The following CACNA2D1 variants were observed in gnomAD, a reference collection of about 807,000 sequenced individuals.
The protein encoded by CACNA2D1 is voltage-dependent calcium channel subunit alpha-2/delta-1.
Under a neutral mutation model 171.5 loss-of-function variants are expected in CACNA2D1, and 53 were observed. The observed-to-expected ratio is 0.31, with a 90% CI of 0.25 to 0.39. CACNA2D1 has a LOEUF of 0.39. CACNA2D1 is among the 10% of genes least tolerant of loss of function. The probability of loss-of-function intolerance (pLI) is 1.00; values close to 1 mark genes in which losing one functional copy is unlikely to be tolerated. For missense variants in CACNA2D1, 903 were observed against 1,299.8 expected (o/e 0.69, Z 4.69); for synonymous variants, 442 against 443.1 (o/e 1.00, Z 0.03).
chr7:81,959,683 G>T (rs760482639), intron 37 of CACNA2D1, 37 bp downstream of exon 37: 2 of 1,589,654 alleles, frequency 1.3e-6, no homozygotes, highest in East Asian at 4.5e-5. Context: ...CATTAAGATG[G>T]TTTTCCTTTC....
chr7:82,026,257 G>C (rs1801893165), intron 12 of CACNA2D1, among the ~76,000 whole-genome samples: 1 of 151,322 alleles, frequency 6.6e-6, no homozygotes, highest in Admixed American at 6.6e-5. Flanking sequence ...TCTTTTGACT[G>C]GGGAGTTTAA....
At chr7:81,968,367 A>AT (rs1471600554) in intron 29 of CACNA2D1, among the ~76,000 whole-genome samples, 1 of 151,192 alleles carries the variant, frequency 6.6e-6, no homozygotes, top group East Asian at 1.9e-4. Context: ...TTACTTGCCT[A>AT]TTTTTCCAAA....
At chr7:82,092,293 T>C (rs1166901022) in intron 6 of CACNA2D1, among the ~76,000 whole-genome samples, 3 of 152,224 alleles carry the variant, frequency 2.0e-5, no homozygotes, top group Non-Finnish European at 2.9e-5. Context: ...AGGAACATTA[T>C]GTAATTTGTA....
intron 3 of CACNA2D1, among the ~76,000 whole-genome samples, chr7:82,197,570 C>T (rs1439577751): frequency 1.3e-5 from 2 of 151,988 alleles, no homozygotes; most frequent in East Asian, 1.9e-4. Context: ...ACTTTTAATG[C>T]AGTGTGATGT....
chr7:82,289,033 A>T (rs1283404980), intron 3 of CACNA2D1, among the ~76,000 whole-genome samples: 1 of 152,222 alleles, frequency 6.6e-6, no homozygotes, highest in East Asian at 1.9e-4. Flanking sequence ...ATGACCACAT[A>T]GTGCAAATAT....
intron 3 of CACNA2D1, among the ~76,000 whole-genome samples, chr7:82,328,091 T>A (rs920495556): frequency 2.0e-5 from 3 of 152,146 alleles, no homozygotes; most frequent in African/African-American, 7.2e-5. Context: ...TGGGTAAACA[T>A]GTCGAGCCTT....
At chr7:82,232,709 C>CA (rs1803085713) in intron 3 of CACNA2D1, among the ~76,000 whole-genome samples, 1 of 151,366 alleles carries the variant, frequency 6.6e-6, no homozygotes, top group Non-Finnish European at 1.5e-5. Flanking sequence ...ACTAAAAATA[C>CA]AAAAATTAGC....
intron 3 of CACNA2D1, among the ~76,000 whole-genome samples, chr7:82,290,996 G>A (rs1332505363): frequency 1.4e-5 from 2 of 141,684 alleles, no homozygotes; most frequent in African/African-American, 5.3e-5. Flanking sequence ...TTTCCTTTGA[G>A]ACAGGGTCTG....
chr7:82,000,616 T>C (rs1798488575), intron 18 of CACNA2D1, among the ~76,000 whole-genome samples: 1 of 151,902 alleles, frequency 6.6e-6, no homozygotes, highest in African/African-American at 2.4e-5. Context: ...ATTTTGTTTT[T>C]GAGACGGGGT....
chr7:82,012,633 T>C (rs923007440), intron 14 of CACNA2D1, among the ~76,000 whole-genome samples: 4 of 152,164 alleles, frequency 2.6e-5, no homozygotes, highest in African/African-American at 9.6e-5. Flanking sequence ...AGCAGCCACA[T>C]ACTTTCTTTC....
chr7:82,066,403 T>C, intron 8 of CACNA2D1, 52 bp downstream of exon 8: 1 of 1,602,758 alleles, frequency 6.2e-7, no homozygotes, highest in Non-Finnish European at 8.5e-7. Flanking sequence ...TTTTAGCAAA[T>C]ATATATCTTC....
At chr7:82,155,795 G>T (rs1794322910) in intron 4 of CACNA2D1, among the ~76,000 whole-genome samples, 1 of 152,142 alleles carries the variant, frequency 6.6e-6, no homozygotes, top group Non-Finnish European at 1.5e-5. Context: ...TCAGCATGAA[G>T]AAAGAGTATA....
At chr7:82,008,965 A>G (rs1349687476) in intron 15 of CACNA2D1, among the ~76,000 whole-genome samples, 5 of 152,096 alleles carry the variant, frequency 3.3e-5, no homozygotes, top group African/African-American at 1.2e-4. Flanking sequence ...GGAAACAACC[A>G]TACATATTTG....
chr7:82,007,299 C>T (rs1323786516), intron 16 of CACNA2D1, among the ~76,000 whole-genome samples: 2 of 152,062 alleles, frequency 1.3e-5, no homozygotes, highest in African/African-American at 2.4e-5. Context: ...CAATGTACAC[C>T]TGATACAAAC....
rs189492948 is a variant in CACNA2D1, at chr7:82,159,932, T to A, written c.354+10618A>T. Among the ~76,000 whole-genome samples, 8 of 138,842 alleles carry A rather than the reference T, an allele frequency of 5.8e-5. No homozygotes were observed. The Admixed American group carries it at 6.0e-4, about 10-fold the overall frequency. The allele number at this position is 138,842 out of a possible 152,430, so 91.1% of individuals were successfully genotyped here. A position where few individuals can be genotyped will look rare whatever the true frequency, so the allele number is the denominator to read the frequency against. On this transcript the variant is annotated intron_variant, in intron 4 of 38. Transcript: ENST00000356860. ...TGATGAAGAGAGAACATACACACACTCTCAAAAATATGCAGAAACATTATA... is the reference window on the plus strand; with the variant it reads ...TGATGAAGAGAGAACATACACACACACTCAAAAATATGCAGAAACATTATA...
chr7:82,246,568 G>A (rs548484639), intron 3 of CACNA2D1, among the ~76,000 whole-genome samples: 2 of 152,246 alleles, frequency 1.3e-5, no homozygotes, highest in Non-Finnish European at 2.9e-5. Flanking sequence ...GAGTGTAGGT[G>A]TATGTGTTTG....
chr7:81,964,219 G>T lies in CACNA2D1; in HGVS notation c.2715C>A (p.Arg905=), dbSNP rs746860492. 1 of 1,612,828 alleles carries T rather than the reference G, an allele frequency of 6.2e-7. No homozygotes were observed. The highest frequency in any genetic ancestry group is 8.5e-7 in the Non-Finnish European group (1 of 1,179,174). ...GGATATTACTGACCACATATGCTGA[G>T]CGATGTCCTGCTCCTTGTTTTGGTG... is the stretch of plus-strand genomic sequence containing the variant. ...GAAPKQGAGH[R]SAYVPSVADI... Residue 905 remains arginine, a synonymous_variant, in exon 33 of 39, where the codon CGC becomes CGA. Coordinates refer to ENST00000356860, the MANE Select transcript of CACNA2D1 (RefSeq NM_000722.4).
chr7:82,182,053 G>A (rs1797188590), intron 3 of CACNA2D1, among the ~76,000 whole-genome samples: 1 of 151,978 alleles, frequency 6.6e-6, no homozygotes, highest in South Asian at 2.1e-4. Context: ...GAAATGTACT[G>A]TGTATAGTCT....
chr7:82,099,422 C>CT lies in CACNA2D1; in HGVS notation c.527-14523dup, dbSNP rs932080938. Among the ~76,000 whole-genome samples, 9 of 40,274 alleles carry CT rather than the reference C, an allele frequency of 2.2e-4. 1 individual carries two copies. The highest frequency in any genetic ancestry group is 3.5e-4 in the Non-Finnish European group (7 of 20,260). The allele number at this position is 40,274 out of a possible 152,430, so 26.4% of individuals were successfully genotyped here. A position where few individuals can be genotyped will look rare whatever the true frequency, so the allele number is the denominator to read the frequency against. On this transcript the variant is annotated intron_variant, in intron 6 of 38. Coordinates refer to ENST00000356860, the MANE Select transcript of CACNA2D1 (RefSeq NM_000722.4). ...ACTCTAAAACAGGTAGCAATACCTT[C>CT]TTTTTTTTTTTTTTTTTTTTTTTTT...
Sources: gnomAD v4.1 joint callset for allele counts (sites outside exome capture counted in the v4.1 genomes callset) on GRCh38, gnomAD v4.1.1 for gene constraint, MANE v1.5 for transcripts, NCBI Gene and HGNC (gene_info 2026-07-23, HGNC 2026-07-21) for gene names.